CACNB2: variants seen among roughly 807,000 people sequenced by gnomAD.
CACNB2 encodes calcium voltage-gated channel auxiliary subunit beta 2.
A neutral mutation model predicts 73.3 loss-of-function variants in CACNB2; 42 were observed. The observed-to-expected ratio is 0.57, with a 90% CI of 0.45 to 0.74. The LOEUF (loss-of-function observed/expected upper bound fraction) is 0.74, where lower values mean the gene tolerates loss of function less well. Among genes scored for constraint, CACNB2 ranks in the 30% least tolerant of loss-of-function variants. The pLI is 0.00. For synonymous variants in CACNB2, 348 were observed against 310.3 expected, an observed-to-expected ratio of 1.12 and a Z score of -1.28; for missense variants, 940 against 853.0, an observed-to-expected ratio of 1.10 and a Z score of -1.27.
At chr10:18,503,273 G>A (rs145149843) in intron 5 of CACNB2, among the ~76,000 whole-genome samples, 4 of 152,240 alleles carry the variant, frequency 2.6e-5, no homozygotes, top group East Asian at 3.9e-4. Flanking sequence ...CCTACCCTCT[G>A]TATTGAAAAT....
At chr10:18,448,569 A>G (rs1490017461) in intron 3 of CACNB2, among the ~76,000 whole-genome samples, 1 of 152,154 alleles carries the variant, frequency 6.6e-6, no homozygotes, top group African/African-American at 2.4e-5. Context: ...ACTTGTTTAA[A>G]TACAGGCTTC....
At chr10:18,141,213 A>T (rs780943798) in intron 1 of CACNB2, 6 of 544,592 alleles carry the variant, frequency 1.1e-5, no homozygotes, top group Non-Finnish European at 2.0e-5. Flanking sequence ...CCTGCTGAAG[A>T]TCGTGAGTCC....
intron 3 of CACNB2, among the ~76,000 whole-genome samples, chr10:18,409,584 TG>T (rs1426755298): frequency 6.6e-6 from 1 of 152,220 alleles, no homozygotes; most frequent in African/African-American, 2.4e-5. Flanking sequence ...CTCTGGACAA[TG>T]TTTAATTTTT....
Position 18,229,611 on chromosome 10 carries a change from T to C in CACNB2, c.213+78636T>C, listed in dbSNP as rs750549370. On this transcript the variant is annotated intron_variant, in intron 2 of 13. Coordinates refer to ENST00000324631, the MANE Select transcript of CACNB2 (RefSeq NM_201596.3). ...GCAGCATGAAAAATGTATTAAAATATTAACAAAATGACAGGCTTTTTAAAA... is the reference window on the plus strand; with the variant it reads ...GCAGCATGAAAAATGTATTAAAATACTAACAAAATGACAGGCTTTTTAAAA... 7.9e-4 allele frequency among the ~76,000 whole-genome samples: 121 copies of C among 152,326 alleles called. 1 individual carries two copies. Among genetic ancestry groups the C allele is most frequent in the Non-Finnish European group, 1.5e-3 (103 of 68,028 alleles).
chr10:18,398,345 C>T (rs1003537743), intron 2 of CACNB2, among the ~76,000 whole-genome samples: 5 of 152,134 alleles, frequency 3.3e-5, no homozygotes, highest in African/African-American at 1.2e-4. Context: ...TCTTTCAATG[C>T]TGGGTGCATA....
chr10:18,315,126 G>A (rs1589020116), intron 2 of CACNB2, among the ~76,000 whole-genome samples: 1 of 152,124 alleles, frequency 6.6e-6, no homozygotes, highest in Admixed American at 6.5e-5. Context: ...GAGGTCAGGA[G>A]TTCGAGACCA....
chr10:18,197,160 G>A (rs1428441679), intron 2 of CACNB2, among the ~76,000 whole-genome samples: 1 of 152,234 alleles, frequency 6.6e-6, no homozygotes, highest in Middle Eastern at 3.4e-3. Flanking sequence ...GCTCTTTGAT[G>A]GCAGGCCTGT....
At chr10:18,274,059 C>T (rs1481722765) in intron 2 of CACNB2, among the ~76,000 whole-genome samples, 1 of 152,170 alleles carries the variant, frequency 6.6e-6, no homozygotes. Flanking sequence ...GGGGGTCCTA[C>T]TAACCTCTAA....
chr10:18,473,436 C>T (rs2048290765), intron 3 of CACNB2, among the ~76,000 whole-genome samples: 1 of 152,182 alleles, frequency 6.6e-6, no homozygotes, highest in African/African-American at 2.4e-5. Context: ...GCCCCAAGCC[C>T]TGAAAATATG....
chr10:18,302,572 T>A (rs752329276), intron 2 of CACNB2, among the ~76,000 whole-genome samples: 9 of 152,226 alleles, frequency 5.9e-5, no homozygotes, highest in Non-Finnish European at 1.2e-4. Context: ...TGGATACTGT[T>A]ATCCTAAGGG....
chr10:18,480,515 A>G (rs929830930), intron 3 of CACNB2, among the ~76,000 whole-genome samples: 11 of 152,232 alleles, frequency 7.2e-5, no homozygotes, highest in Non-Finnish European at 1.5e-4. Context: ...ACAGAGCAAA[A>G]TCTCTGTCTT....
At chr10:18,185,911 G>A (rs1231599553) in intron 2 of CACNB2, among the ~76,000 whole-genome samples, 2 of 152,156 alleles carry the variant, frequency 1.3e-5, no homozygotes, top group African/African-American at 4.8e-5. Context: ...ACAGGTAAGT[G>A]TGAGTCAGGG....
intron 2 of CACNB2, among the ~76,000 whole-genome samples, chr10:18,350,006 G>C (rs2041638862): frequency 1.3e-5 from 2 of 152,286 alleles, no homozygotes; most frequent in South Asian, 4.1e-4. Context: ...CACTTTTGGA[G>C]GACGAGGTGG....
intron 9 of CACNB2, among the ~76,000 whole-genome samples, chr10:18,524,212 TTTTTTTTG>T (rs1016731645): frequency 3.3e-5 from 5 of 151,966 alleles, no homozygotes; most frequent in African/African-American, 7.2e-5. Context: ...TCACGGTTTT[TTTTTTTTG>T]TTTTTTTGTT....
chr10:18,368,330 A>G (rs1361565182), intron 2 of CACNB2, among the ~76,000 whole-genome samples: 1 of 152,186 alleles, frequency 6.6e-6, no homozygotes, highest in Non-Finnish European at 1.5e-5. Context: ...AAAACTTTCA[A>G]AAGAGTAGGA....
rs767806868 is a variant in CACNB2, at chr10:18,539,747, T to G, written c.*23T>G. ...TGAGTTTTGCCCGTTTGTGTTTTTTTTTTTTTTTTTTTGAAGTCTTGTATA... is the reference window on the plus strand; with the variant it reads ...TGAGTTTTGCCCGTTTGTGTTTTTTGTTTTTTTTTTTTGAAGTCTTGTATA... On this transcript the variant is annotated 3_prime_UTR_variant, in exon 14 of 14. Coordinates refer to ENST00000324631, the MANE Select transcript of CACNB2 (RefSeq NM_201596.3). 19 of 1,583,952 alleles carry G rather than the reference T, an allele frequency of 1.2e-5. No individual in the cohort carries two copies. Among genetic ancestry groups the G allele is most frequent in the South Asian group, 3.5e-5 (3 of 86,052 alleles).
chr10:18,400,572 C>T (rs2043941356), intron 2 of CACNB2: 1 of 1,021,852 alleles, frequency 9.8e-7, no homozygotes, highest in Non-Finnish European at 1.2e-6. Flanking sequence ...CCCCCTCCCC[C>T]TCGAGATCTC....
intron 3 of CACNB2, among the ~76,000 whole-genome samples, chr10:18,419,757 C>T (rs1440017205): frequency 6.6e-6 from 1 of 152,010 alleles, no homozygotes; most frequent in Non-Finnish European, 1.5e-5. Flanking sequence ...GAGGAATGTC[C>T]CTATCTTAAA....
chr10:18,357,966 T>G (rs2041990427), intron 2 of CACNB2, among the ~76,000 whole-genome samples: 1 of 152,194 alleles, frequency 6.6e-6, no homozygotes, highest in South Asian at 2.1e-4. Context: ...CCTCATCTAC[T>G]ATACAAGCCT....
Sources: gnomAD v4.1 joint callset for allele counts (sites outside exome capture counted in the v4.1 genomes callset) on GRCh38, gnomAD v4.1.1 for gene constraint, MANE v1.5 for transcripts, NCBI Gene and HGNC (gene_info 2026-07-23, HGNC 2026-07-21) for gene names.